The following GRIA3 variants were observed in gnomAD, a reference collection of about 807,000 sequenced individuals.
GRIA3 encodes glutamate ionotropic receptor AMPA type subunit 3.
GRIA3 carries 3 observed loss-of-function variants against 63.0 expected under a neutral mutation model. That is an observed-to-expected ratio of 0.05 (90% confidence interval 0.02 to 0.12). GRIA3 has a LOEUF of 0.12. Ranked by LOEUF, GRIA3 falls within the 10% of genes least tolerant of loss-of-function variation. The pLI is 1.00. For missense variants in GRIA3, 347 were observed against 700.9 expected, an observed-to-expected ratio of 0.50 and a Z score of 5.70; for synonymous variants, 274 against 257.9, an observed-to-expected ratio of 1.06 and a Z score of -0.60.
chrX:123,303,738 CT>C (rs1179049007), intron 3 of GRIA3, among the ~76,000 whole-genome samples: 1 of 110,911 alleles, frequency 9.0e-6, no homozygotes, highest in African/African-American at 3.3e-5. Flanking sequence ...TGAGGAGGAT[CT>C]CCCATTAGCC....
chrX:123,456,232 T>C (rs1569439613), intron 12 of GRIA3, among the ~76,000 whole-genome samples: 2 of 111,023 alleles, frequency 1.8e-5, no homozygotes, highest in Non-Finnish European at 3.8e-5. Flanking sequence ...GAAAAAACAA[T>C]AGCTACTGCA....
intron 2 of GRIA3, among the ~76,000 whole-genome samples, chrX:123,247,268 C>A (rs1220360034): frequency 4.5e-5 from 5 of 112,321 alleles, no homozygotes; most frequent in Non-Finnish European, 1.9e-5. Context: ...TTATTCTGAA[C>A]TTTGAAGTAA....
At chrX:123,397,247 G>C (rs1349202149) in intron 6 of GRIA3, among the ~76,000 whole-genome samples, 1 of 111,587 alleles carries the variant, frequency 9.0e-6, no homozygotes, top group Admixed American at 9.5e-5. Context: ...GCTTAGTATT[G>C]GTCATTATAG....
chrX:123,243,894 A>G (rs1230541369), intron 2 of GRIA3, among the ~76,000 whole-genome samples: 1 of 112,124 alleles, frequency 8.9e-6, no homozygotes, highest in Non-Finnish European at 1.9e-5. Flanking sequence ...AAGGGCCTAA[A>G]AAGCACCCTC....
chrX:123,338,642 C>T (rs1218672949), intron 4 of GRIA3, among the ~76,000 whole-genome samples: 1 of 111,842 alleles, frequency 8.9e-6, no homozygotes, highest in Non-Finnish European at 1.9e-5. Context: ...CCTTCGCCTC[C>T]CGGGTTCAAG....
intron 4 of GRIA3, among the ~76,000 whole-genome samples, chrX:123,338,940 T>G (rs965176196): frequency 8.9e-6 from 1 of 112,403 alleles, no homozygotes; most frequent in Non-Finnish European, 1.9e-5. Flanking sequence ...ATGGTATGGT[T>G]TCTCCAAATA....
intron 14 of GRIA3, among the ~76,000 whole-genome samples, chrX:123,481,231 A>G (rs1393261364): frequency 5.3e-5 from 6 of 112,179 alleles, no homozygotes; most frequent in Admixed American, 1.9e-4. Context: ...CTATTTCCCA[A>G]TGGACTGTGG....
intron 2 of GRIA3, among the ~76,000 whole-genome samples, chrX:123,209,540 T>C (rs1927983337): frequency 8.9e-6 from 1 of 111,818 alleles, no homozygotes; most frequent in Non-Finnish European, 1.9e-5. Flanking sequence ...AGGATATCAA[T>C]TGTCAAGCAA....
chrX:123,348,811 C>T (rs1224178172), intron 4 of GRIA3, among the ~76,000 whole-genome samples: 1 of 112,173 alleles, frequency 8.9e-6, no homozygotes, highest in East Asian at 2.8e-4. Flanking sequence ...CTCTGTCCAT[C>T]ATTTTGCTCC....
At chrX:123,338,893 T>C (rs994080832) in intron 4 of GRIA3, among the ~76,000 whole-genome samples, 1 of 112,520 alleles carries the variant, frequency 8.9e-6, no homozygotes, top group Non-Finnish European at 1.9e-5. Flanking sequence ...ATGTTAATAA[T>C]GGTCTAGGTA....
rs747239152 is a variant in GRIA3, at chrX:123,326,054, A to T, written c.537A>T (p.Glu179Asp). ...TTTCCATCCTCCAAGCGATTATGGAAGCAGCAGTGCAAAACAACTGGCAAG... is the reference window on the plus strand; with the variant it reads ...TTTCCATCCTCCAAGCGATTATGGATGCAGCAGTGCAAAACAACTGGCAAG... ...RGFSILQAIM[E>D]AAVQNNWQVT... The change falls in exon 4 of 16, where the codon GAA (glutamate) becomes GAT (aspartate). Residue 179 changes from glutamate to aspartate, a missense_variant. Glu to Asp is a conservative substitution (Grantham distance 45). Coordinates refer to ENST00000620443, the MANE Select transcript of GRIA3 (RefSeq NM_007325.5). The T allele has an allele frequency of 8.3e-7, 1 of 1,209,106 alleles. No homozygotes were observed.
chrX:123,484,261 C>T (rs185438494), intron 15 of GRIA3, among the ~76,000 whole-genome samples: 4 of 112,170 alleles, frequency 3.6e-5, no homozygotes, highest in East Asian at 2.8e-4. Flanking sequence ...CCATTCTGGA[C>T]GTGTTTAAAA....
intron 2 of GRIA3, among the ~76,000 whole-genome samples, chrX:123,199,692 G>A (rs1380785135): frequency 2.7e-5 from 3 of 111,751 alleles, no homozygotes; most frequent in Non-Finnish European, 5.6e-5. Flanking sequence ...AACACTGTCA[G>A]TTTTAAGTAG....
At chrX:123,268,679 G>C (rs1399696459) in intron 3 of GRIA3, among the ~76,000 whole-genome samples, 1 of 110,624 alleles carries the variant, frequency 9.0e-6, no homozygotes, top group African/African-American at 3.3e-5. Flanking sequence ...TAAGGCTGAG[G>C]TTTCAGGTTC....
intron 3 of GRIA3, among the ~76,000 whole-genome samples, chrX:123,254,631 T>A (rs1267263011): frequency 8.9e-6 from 1 of 112,116 alleles, no homozygotes; most frequent in Non-Finnish European, 1.9e-5. Context: ...TCCAGAACAC[T>A]CTTCACTTTA....
chrX:123,295,657 C>G (rs1293349318), intron 3 of GRIA3, among the ~76,000 whole-genome samples: 1 of 111,249 alleles, frequency 9.0e-6, no homozygotes, highest in African/African-American at 3.3e-5. Context: ...GAGCTAGCAG[C>G]TAGCTGACTC....
intron 13 of GRIA3, among the ~76,000 whole-genome samples, chrX:123,470,460 A>G (rs1284172636): frequency 8.9e-6 from 1 of 111,951 alleles, no homozygotes; most frequent in African/African-American, 3.2e-5. Flanking sequence ...CTCTTAAGGT[A>G]CCTAAAAAGA....
At chrX:123,373,849 CT>C (rs1290264952) in intron 5 of GRIA3, among the ~76,000 whole-genome samples, 1 of 111,672 alleles carries the variant, frequency 9.0e-6, no homozygotes, top group African/African-American at 3.3e-5. Flanking sequence ...TGCAGAAACT[CT>C]TTAGTTTAAT....
At chrX:123,414,809 TC>T (rs996017094) in intron 10 of GRIA3, among the ~76,000 whole-genome samples, 2 of 111,074 alleles carry the variant, frequency 1.8e-5, no homozygotes, top group African/African-American at 6.6e-5. Context: ...ATTTTCTTAA[TC>T]CAGTCTATCA....
Sources: gnomAD v4.1 joint callset for allele counts (sites outside exome capture counted in the v4.1 genomes callset) on GRCh38, gnomAD v4.1.1 for gene constraint, MANE v1.5 for transcripts, NCBI Gene and HGNC (gene_info 2026-07-23, HGNC 2026-07-21) for gene names.